SLC22A24: variants seen among roughly 807,000 people sequenced by gnomAD.
The protein encoded by SLC22A24 is solute carrier family 22 member 24, also known as steroid transmembrane transporter SLC22A24.
A neutral mutation model predicts 49.8 loss-of-function variants in SLC22A24; 53 were observed. The ratio of observed to expected loss-of-function variants is 1.06; its 90% confidence interval spans 0.85 to 1.34. The LOEUF is 1.34. Among genes scored for constraint, SLC22A24 ranks in the 40% most tolerant of loss-of-function variants. The pLI is 0.00. For missense variants in SLC22A24, 786 were observed against 675.9 expected, an observed-to-expected ratio of 1.16 and a Z score of -1.81; for synonymous variants, 302 against 256.4, an observed-to-expected ratio of 1.18 and a Z score of -1.70.
chr11:63,131,342 C>T (rs1186832022), intron 2 of SLC22A24, among the ~76,000 whole-genome samples: 4 of 152,024 alleles, frequency 2.6e-5, no homozygotes, highest in African/African-American at 9.7e-5. Flanking sequence ...GGTTATTTTG[C>T]CTGTTAATTG....
chr11:63,136,138 A>G (rs1362312028), intron 1 of SLC22A24, among the ~76,000 whole-genome samples: 1 of 152,142 alleles, frequency 6.6e-6, no homozygotes, highest in African/African-American at 2.4e-5. Flanking sequence ...CCTCAATCAG[A>G]TTGTAATGTG....
Position 63,099,371 on chromosome 11 carries a change from ATT to A in SLC22A24, c.955-3267_955-3266del, listed in dbSNP as rs56708217. On this transcript the variant is annotated intron_variant, in intron 5 of 9. Coordinates refer to ENST00000612278, the MANE Select transcript of SLC22A24 (RefSeq NM_001136506.2). ...CCACCACACCTGGCTAATTTTTAAG[ATT>A]TTTTTTTTTTTTTTTTTTTTTTTTT... Among the ~76,000 whole-genome samples the A allele has an allele frequency of 3.7e-3, 191 of 52,310 alleles. 1 individual carries two copies. Among genetic ancestry groups the A allele is most frequent in the Middle Eastern group, 0.024 (1 of 42 alleles). The allele number at this position is 52,310 out of a possible 152,430, so 34.3% of individuals were successfully genotyped here.
At chr11:63,095,153 T>C (rs952631392) in intron 6 of SLC22A24, among the ~76,000 whole-genome samples, 7 of 152,350 alleles carry the variant, frequency 4.6e-5, no homozygotes, top group African/African-American at 1.7e-4. Flanking sequence ...TGAATTAATT[T>C]TTGTGTAAGG....
rs150733105 is a variant in SLC22A24 at position 63,118,886 on chromosome 11, G to T, written c.830+26C>A. The stretch of plus-strand genomic sequence containing the variant: ...ATGTCTACCATAGCCTCGCTTACAG[G>T]CAAAGAATGTGGAGATTGTTCATAC... On this transcript the variant is annotated intron_variant, in intron 4 of 9. Transcript: ENST00000612278. 2.0e-4 allele frequency: 307 copies of T among 1,551,476 alleles called. 2 individuals carry two copies. The African/African-American group carries it at 3.8e-3, about 19-fold the overall frequency.
At chr11:63,098,830 A>G (rs1415411688) in intron 5 of SLC22A24, among the ~76,000 whole-genome samples, 2 of 152,142 alleles carry the variant, frequency 1.3e-5, no homozygotes, top group African/African-American at 2.4e-5. Flanking sequence ...CAAAAAATGA[A>G]CAAAAGCTGG....
chr11:63,114,752 C>G (rs1308194460), intron 4 of SLC22A24, among the ~76,000 whole-genome samples: 1 of 152,114 alleles, frequency 6.6e-6, no homozygotes, highest in African/African-American at 2.4e-5. Context: ...GTGTGGATAT[C>G]CTTTTTGTTG....
At chr11:63,130,954 G>C (rs904988282) in intron 2 of SLC22A24, among the ~76,000 whole-genome samples, 2 of 151,700 alleles carry the variant, frequency 1.3e-5, no homozygotes, top group Non-Finnish European at 2.9e-5. Context: ...GAATCTGGGT[G>C]GTCCTGTATT....
intron 6 of SLC22A24, among the ~76,000 whole-genome samples, chr11:63,086,803 A>C (rs1315973996): frequency 1.3e-5 from 2 of 152,160 alleles, no homozygotes. Context: ...GAGATTATGA[A>C]TATGCTAATT....
intron 5 of SLC22A24, among the ~76,000 whole-genome samples, chr11:63,097,926 G>A (rs2087065644): frequency 6.6e-6 from 1 of 151,974 alleles, no homozygotes; most frequent in African/African-American, 2.4e-5. Flanking sequence ...TTGGGGGATG[G>A]GGGGCAAAAG....
intron 2 of SLC22A24, among the ~76,000 whole-genome samples, chr11:63,126,593 G>T (rs887041050): frequency 6.6e-6 from 1 of 152,166 alleles, no homozygotes; most frequent in Non-Finnish European, 1.5e-5. Context: ...CAGGTAGCGT[G>T]TTGCCTCCAG....
chr11:63,086,930 A>G (rs923285269), intron 6 of SLC22A24, among the ~76,000 whole-genome samples: 1 of 152,064 alleles, frequency 6.6e-6, no homozygotes, highest in African/African-American at 2.4e-5. Context: ...CAATGCTAAC[A>G]GGGAACTTTA....
At chr11:63,097,568 T>G (rs1221077143) in intron 5 of SLC22A24, among the ~76,000 whole-genome samples, 1 of 152,188 alleles carries the variant, frequency 6.6e-6, no homozygotes, top group Non-Finnish European at 1.5e-5. Flanking sequence ...ATCCCATTAC[T>G]GGGTATATAC....
intron 2 of SLC22A24, among the ~76,000 whole-genome samples, chr11:63,126,923 G>C (rs1268795467): frequency 1.3e-5 from 2 of 152,096 alleles, no homozygotes; most frequent in Non-Finnish European, 2.9e-5. Context: ...TTGTGAATGG[G>C]AGTTCACTCA....
chr11:63,096,160 G>T, intron 5 of SLC22A24, 54 bp from the exon 6 acceptor site: 3 of 1,174,662 alleles, frequency 2.6e-6, no homozygotes, highest in East Asian at 2.6e-5. Context: ...AATGTGTCAG[G>T]CATAGTGGTA....
At chr11:63,089,659 C>T (rs2087006577) in intron 6 of SLC22A24, among the ~76,000 whole-genome samples, 2 of 151,272 alleles carry the variant, frequency 1.3e-5, no homozygotes, top group South Asian at 4.2e-4. Context: ...ATCTAATGTG[C>T]AAAGATACAC....
At chr11:63,083,610 T>C (rs2086971882) in intron 6 of SLC22A24, among the ~76,000 whole-genome samples, 153 bp from the exon 7 acceptor site, 1 of 152,210 alleles carries the variant, frequency 6.6e-6, no homozygotes, top group South Asian at 2.1e-4. Flanking sequence ...ATCATTCTGT[T>C]TTATAGACTA....
chr11:63,114,246 A>G (rs148078903), intron 4 of SLC22A24, among the ~76,000 whole-genome samples: 220 of 152,248 alleles, frequency 1.4e-3, no homozygotes, highest in African/African-American at 4.9e-3. Flanking sequence ...CATATTTCTT[A>G]GAAGCTTTGT....
chr11:63,139,012 A>G (rs373434679), intron 1 of SLC22A24, among the ~76,000 whole-genome samples: 32 of 152,174 alleles, frequency 2.1e-4, no homozygotes, highest in African/African-American at 7.2e-4. Flanking sequence ...GTAATAAGAG[A>G]TCTGAAAGGA....
chr11:63,128,467 C>T (rs989809143), intron 2 of SLC22A24, among the ~76,000 whole-genome samples: 2 of 152,100 alleles, frequency 1.3e-5, no homozygotes, highest in East Asian at 1.9e-4. Flanking sequence ...TTGTGGAGGG[C>T]CTGACATCAG....
Sources: allele counts gnomAD v4.1 joint callset (sites outside exome capture counted in the v4.1 genomes callset), GRCh38; gene constraint gnomAD v4.1.1; transcripts MANE v1.5; gene names NCBI Gene and HGNC (gene_info 2026-07-23, HGNC 2026-07-21).